The following DHRSX variants were observed in gnomAD, a reference collection of about 807,000 sequenced individuals.
DHRSX encodes dehydrogenase/reductase X-linked.
A neutral mutation model predicts 34.0 loss-of-function variants in DHRSX; 31 were observed. That is an observed-to-expected ratio of 0.91 (90% CI 0.69 to 1.23). The LOEUF (loss-of-function observed/expected upper bound fraction) is 1.23, where lower values mean the gene tolerates loss of function less well. Ranked by LOEUF, DHRSX falls within the 50% of genes most tolerant of loss-of-function variation. The pLI, the probability that DHRSX is intolerant of heterozygous loss-of-function variation, is 0.00. For missense variants in DHRSX, 414 were observed against 428.1 expected (o/e 0.97, Z 0.29); for synonymous variants, 201 against 183.8 (o/e 1.09, Z -0.76).
At chrX:2,468,082 C>T (rs1230179178) in intron 1 of DHRSX, among the ~76,000 whole-genome samples, 1 of 151,958 alleles carries the variant, frequency 6.6e-6, no homozygotes, top group Non-Finnish European at 1.5e-5. Context: ...GGTTTCTCTC[C>T]TGTCATCCTC....
intron 1 of DHRSX, among the ~76,000 whole-genome samples, chrX:2,447,772 C>G (rs994083610): frequency 7.7e-6 from 1 of 130,470 alleles, no homozygotes; most frequent in African/African-American, 3.0e-5. Flanking sequence ...GTGAAATAAA[C>G]CAGGCACAGA....
chrX:2,483,688 A>G (rs1248218024), intron 1 of DHRSX, among the ~76,000 whole-genome samples: 2 of 152,182 alleles, frequency 1.3e-5, no homozygotes, highest in Non-Finnish European at 1.5e-5. Flanking sequence ...TGTTACCTAA[A>G]GAAACACAGA....
intron 3 of DHRSX, among the ~76,000 whole-genome samples, chrX:2,328,375 A>G (rs2042415124): frequency 6.6e-6 from 1 of 152,072 alleles, no homozygotes; most frequent in African/African-American, 2.4e-5. Context: ...CTGTGAGGAC[A>G]CAGGGAGAAG....
At chrX:2,351,407 T>C (rs1223653929) in intron 3 of DHRSX, among the ~76,000 whole-genome samples, 1 of 152,218 alleles carries the variant, frequency 6.6e-6, no homozygotes, top group Non-Finnish European at 1.5e-5. Context: ...CTTATAAATA[T>C]GCCTGAATAA....
At chrX:2,473,032 C>G (rs73179246) in intron 1 of DHRSX, among the ~76,000 whole-genome samples, 31,182 of 151,520 alleles carry the variant, frequency 0.21, 4,293 homozygotes, top group African/African-American at 0.39. Context: ...CCACAACTTA[C>G]TGTCCACTGC....
intron 1 of DHRSX, among the ~76,000 whole-genome samples, chrX:2,456,848 G>A (rs985768760): frequency 2.8e-4 from 43 of 152,190 alleles, no homozygotes; most frequent in Non-Finnish European, 1.2e-4. Flanking sequence ...ATCTGAGTGC[G>A]GCTGGGGAGC....
chrX:2,458,073 T>A (rs7891152), intron 1 of DHRSX, among the ~76,000 whole-genome samples: 39,162 of 151,020 alleles, frequency 0.26, 5,519 homozygotes, highest in African/African-American at 0.34. Context: ...GAATTAGGAC[T>A]AGGGACTGCC....
intron 1 of DHRSX, among the ~76,000 whole-genome samples, chrX:2,467,552 T>C (rs1457848541): frequency 3.3e-5 from 5 of 151,938 alleles, no homozygotes; most frequent in Non-Finnish European, 5.9e-5. Context: ...ATGTGTGAGA[T>C]GCCAAAAACC....
chrX:2,399,710 CA>C (rs2043460581), intron 3 of DHRSX, among the ~76,000 whole-genome samples: 2 of 42,564 alleles, frequency 4.7e-5, no homozygotes, highest in South Asian at 7.8e-4. Flanking sequence ...CGTCTCAAAA[CA>C]AACAAACAAA....
intron 1 of DHRSX, among the ~76,000 whole-genome samples, chrX:2,480,680 G>A (rs894480830): frequency 1.3e-5 from 2 of 151,898 alleles, no homozygotes; most frequent in African/African-American, 2.4e-5. Context: ...TTAACCAGGT[G>A]TGGTGGTGTG....
rs1294250182 is a variant in DHRSX, at chrX:2,231,905, TATC to T, written c.805-10679_805-10677del. Among the ~76,000 whole-genome samples, 6 of 150,508 alleles carry T rather than the reference TATC, an allele frequency of 4.0e-5. No individual in the cohort carries two copies. In the East Asian group the frequency reaches 5.9e-4, roughly 15 times the overall value. ...TTCTTCCTCCTCCTCCTCTTTCTCT[TATC>T]TTCTTCTTTTCCTCTATCTTTCTCT... On this transcript the variant is annotated intron_variant, in intron 6 of 6. Transcript: ENST00000334651.
At chrX:2,421,455 A>C (rs1301617073) in intron 2 of DHRSX, among the ~76,000 whole-genome samples, 1 of 152,160 alleles carries the variant, frequency 6.6e-6, no homozygotes, top group Non-Finnish European at 1.5e-5. Flanking sequence ...AAAAGCCAAA[A>C]AGGCTCAAAC....
chrX:2,308,342 G>C (rs1369959267), intron 3 of DHRSX, among the ~76,000 whole-genome samples: 1 of 152,130 alleles, frequency 6.6e-6, no homozygotes, highest in Non-Finnish European at 1.5e-5. Context: ...TAAAGATACA[G>C]AGTATTAAAA....
At chrX:2,303,019 C>T (rs1015239747) in intron 3 of DHRSX, among the ~76,000 whole-genome samples, 4 of 152,096 alleles carry the variant, frequency 2.6e-5, no homozygotes, top group African/African-American at 9.7e-5. Context: ...CACAAAAACA[C>T]TTGTGGGGAT....
rs748772868 is a variant in DHRSX at position 2,308,384 on chromosome X, C to A, written c.287-16781G>T. Among the ~76,000 whole-genome samples, 5 of 149,564 alleles carry A rather than the reference C, an allele frequency of 3.3e-5. No homozygotes were observed. The South Asian group carries it at 1.0e-3, about 31-fold the overall frequency. On this transcript the variant is annotated intron_variant, in intron 3 of 6. Transcript: ENST00000334651. Reference sequence around the variant, plus strand: ...AATTACAATTGTTAAAACAACTGTTCGACAATTGTTCGACAATTGTTTTAA... The same window carrying A: ...AATTACAATTGTTAAAACAACTGTTAGACAATTGTTCGACAATTGTTTTAA...
intron 1 of DHRSX, chrX:2,486,896 G>T (rs1187748438): frequency 6.6e-6 from 1 of 152,282 alleles, no homozygotes; most frequent in African/African-American, 2.4e-5. Flanking sequence ...GAAGTCAGCA[G>T]CCGTGAAAGG....
At chrX:2,490,977 T>G (rs1467741821) in intron 1 of DHRSX, among the ~76,000 whole-genome samples, 2 of 151,816 alleles carry the variant, frequency 1.3e-5, no homozygotes, top group Non-Finnish European at 2.9e-5. Context: ...TCCACGTTAA[T>G]CCGACTGCAG....
In DHRSX at chrX:2,361,341, G is replaced by A. The variant is rs1360245622; in HGVS notation, c.286+47404C>T. Reference sequence around the variant, plus strand: ...AGGCTAGTCTCAAACTCCTGACTTCGTGATACACCTGCCTCAGCCTCCCAA... The same window carrying A: ...AGGCTAGTCTCAAACTCCTGACTTCATGATACACCTGCCTCAGCCTCCCAA... On this transcript the variant is annotated intron_variant, in intron 3 of 6. Transcript: ENST00000334651. 5.3e-5 allele frequency among the ~76,000 whole-genome samples: 8 copies of A among 152,134 alleles called. No individual in the cohort carries two copies. In the East Asian group the frequency reaches 7.7e-4, roughly 15 times the overall value.
In DHRSX at chrX:2,451,142, A is replaced by G. The variant is rs2044211070; in HGVS notation, c.110-25838T>C. On this transcript the variant is annotated intron_variant, in intron 1 of 6. Coordinates refer to ENST00000334651, the MANE Select transcript of DHRSX (RefSeq NM_145177.3). ...TCCCTACTCAGGAGGCTGTGGCAGG[A>G]GAATCGCTTGAACCCGGGAGGCGGA... is the stretch of plus-strand genomic sequence containing the variant. Among the ~76,000 whole-genome samples, 3 of 151,922 alleles carry G rather than the reference A, an allele frequency of 2.0e-5. No homozygotes were observed. The South Asian group carries it at 6.2e-4, about 32-fold the overall frequency.
Sources: allele counts gnomAD v4.1 joint callset (sites outside exome capture counted in the v4.1 genomes callset), GRCh38; gene constraint gnomAD v4.1.1; transcripts MANE v1.5; gene names NCBI Gene and HGNC (gene_info 2026-07-23, HGNC 2026-07-21).